The following CORO2A variants were observed in gnomAD, a reference collection of about 807,000 sequenced individuals.
CORO2A encodes coronin-2A.
A neutral mutation model predicts 62.4 loss-of-function variants in CORO2A; 47 were observed. The ratio of observed to expected loss-of-function variants is 0.75; its 90% CI spans 0.60 to 0.96. CORO2A has a LOEUF of 0.96. CORO2A is among the 40% of genes least tolerant of loss of function. The pLI, the probability that CORO2A is intolerant of heterozygous loss-of-function variation, is 0.00. For synonymous variants in CORO2A, 273 were observed against 268.9 expected, an observed-to-expected ratio of 1.02 and a Z score of -0.15; for missense variants, 610 against 684.1, an observed-to-expected ratio of 0.89 and a Z score of 1.21.
intron 10 of CORO2A, among the ~76,000 whole-genome samples, chr9:98,127,917 C>T (rs1474877522): frequency 6.6e-6 from 1 of 151,886 alleles, no homozygotes; most frequent in African/African-American, 2.4e-5. Flanking sequence ...CCCACATAGC[C>T]CCAGAGTGTA....
Position 98,128,167 on chromosome 9 carries a change from C to T in CORO2A, c.1171+3G>A, listed in dbSNP as rs760690885. 10 of 1,611,546 alleles carry T rather than the reference C, an allele frequency of 6.2e-6. No individual in the cohort carries two copies. Among genetic ancestry groups the T allele is most frequent in the African/African-American group, 5.3e-5 (4 of 74,986 alleles). ...GCCTGGGCCTCTTCTCTGCCTTCCT[C>T]ACCTCGATTCATCCCGCTGAGCCAC... On this transcript the variant is annotated splice_donor_region_variant and intron_variant, in intron 10 of 11. Coordinates refer to ENST00000375077, the MANE Select transcript of CORO2A (RefSeq NM_052820.4).
At chr9:98,170,538 T>C (rs559969381) in intron 1 of CORO2A, among the ~76,000 whole-genome samples, 3 of 152,066 alleles carry the variant, frequency 2.0e-5, no homozygotes, top group African/African-American at 7.2e-5. Context: ...GCCTCTGGGG[T>C]TCAAGTGATT....
intron 2 of CORO2A, among the ~76,000 whole-genome samples, chr9:98,152,599 C>T (rs1207063814): frequency 1.3e-5 from 2 of 152,208 alleles, no homozygotes; most frequent in African/African-American, 4.8e-5. Context: ...ATGCTTCTAA[C>T]ATTTCCCCTT....
At chr9:98,144,086 G>A (rs1053696460) in intron 2 of CORO2A, among the ~76,000 whole-genome samples, 3 of 151,914 alleles carry the variant, frequency 2.0e-5, no homozygotes, top group African/African-American at 7.3e-5. Flanking sequence ...CTACTCGGGA[G>A]GCTGAGGCAG....
chr9:98,140,509 T>C (rs1397625234), intron 2 of CORO2A, among the ~76,000 whole-genome samples: 2 of 151,996 alleles, frequency 1.3e-5, no homozygotes, highest in African/African-American at 2.4e-5. Flanking sequence ...GGTGCAATCA[T>C]GATTCACTGT....
rs1827926211 is a variant in CORO2A at position 98,163,986 on chromosome 9, T to C, written c.1-6326A>G. ...GACCTGATTTGGTCTTTGAACAGGA[T>C]GGGTAGGCATTGCTGGCTACCAGTG... On this transcript the variant is annotated intron_variant, in intron 1 of 11. Transcript: ENST00000375077. 1.3e-5 allele frequency among the ~76,000 whole-genome samples: 2 copies of C among 152,208 alleles called. 1 individual carries two copies. The highest frequency in any genetic ancestry group is 4.1e-4 in the South Asian group (2 of 4,828).
chr9:98,176,488 A>G (rs1331595558), intron 1 of CORO2A, among the ~76,000 whole-genome samples: 2 of 151,972 alleles, frequency 1.3e-5, no homozygotes, highest in African/African-American at 2.4e-5. Flanking sequence ...AATTTTCCCC[A>G]CTGCCCTACC....
intron 1 of CORO2A, among the ~76,000 whole-genome samples, chr9:98,165,063 G>A (rs1427244520): frequency 2.0e-5 from 3 of 152,028 alleles, no homozygotes; most frequent in Admixed American, 6.6e-5. Context: ...CAACCTCCTG[G>A]GCTTGCGCAA....
At chr9:98,135,005 A>C (rs1827466690) in intron 3 of CORO2A, 50 bp from the exon 4 acceptor site, 1 of 1,597,700 alleles carries the variant, frequency 6.3e-7, no homozygotes, top group Admixed American at 1.7e-5. Flanking sequence ...GCACCTTGGC[A>C]CCGTCACCAG....
intron 2 of CORO2A, among the ~76,000 whole-genome samples, chr9:98,155,342 ATTTTTTTTT>A (rs11379239): frequency 2.9e-5 from 3 of 101,862 alleles, no homozygotes; most frequent in African/African-American, 1.2e-4. Flanking sequence ...TTATTGCTCA[ATTTTTTTTT>A]TTTTTTTTTT....
intron 4 of CORO2A, 106 bp from the exon 5 acceptor site, chr9:98,133,323 G>T: frequency 8.9e-7 from 1 of 1,123,670 alleles, no homozygotes; most frequent in Non-Finnish European, 1.3e-6. Context: ...CTGGGAGGGT[G>T]GCGCAGCTGG....
At chr9:98,181,859 C>T (rs960138683) in intron 1 of CORO2A, among the ~76,000 whole-genome samples, 2 of 152,112 alleles carry the variant, frequency 1.3e-5, no homozygotes, top group African/African-American at 2.4e-5. Flanking sequence ...GAAAGGAACC[C>T]GCAACAAAGA....
chr9:98,140,277 G>C (rs1827547344), intron 2 of CORO2A, among the ~76,000 whole-genome samples: 2 of 152,294 alleles, frequency 1.3e-5, no homozygotes, highest in East Asian at 3.9e-4. Context: ...GGTGCTGTTG[G>C]AGGGGCTGAT....
intron 2 of CORO2A, among the ~76,000 whole-genome samples, chr9:98,153,675 C>CACACACACACACACAA (rs1827759995): frequency 6.6e-6 from 1 of 151,392 alleles, no homozygotes; most frequent in Admixed American, 6.6e-5. Flanking sequence ...CACACACACA[C>CACACACACACACACAA]ACACACACAC....
intron 2 of CORO2A, among the ~76,000 whole-genome samples, chr9:98,154,352 T>TATATATATATATATATATATATATGTAC (rs71369555): frequency 1.1e-5 from 1 of 94,058 alleles, no homozygotes; most frequent in East Asian, 4.5e-4. Flanking sequence ...TATATATATA[T>TATATATATATATATATATATATATGTAC]ACACAAATAC....
intron 1 of CORO2A, among the ~76,000 whole-genome samples, chr9:98,182,199 A>G (rs1394278239): frequency 6.6e-6 from 1 of 152,192 alleles, no homozygotes; most frequent in Non-Finnish European, 1.5e-5. Flanking sequence ...TGCTTTACAT[A>G]CAGAAAGTAA....
Position 98,129,872 on chromosome 9 carries a change from A to G in CORO2A, c.889T>C (p.Tyr297His). 6.2e-7 allele frequency: 1 copy of G among 1,613,902 alleles called. No homozygotes were observed. The highest frequency in any genetic ancestry group is 1.3e-5 in the African/African-American group (1 of 75,064). The change falls in exon 8 of 12, where the codon TAC (tyrosine) becomes CAC (histidine). Residue 297 changes from tyrosine to histidine, a missense_variant. By Grantham distance (83) the Tyr-to-His change is moderately conservative. Transcript: ENST00000375077. ...GGCTTGTCGGCGCTCACCTCGTAGT[A>G]GCGGATGTTGCCATCTCCCTGAGGA... The part of the protein sequence containing the change: ...VVGKGDGNIR[Y>H]YEVSADKPHL...
intron 2 of CORO2A, among the ~76,000 whole-genome samples, chr9:98,151,814 A>AT (rs747501901): frequency 0.13 from 14,604 of 115,416 alleles, 1,069 homozygotes; most frequent in African/African-American, 0.18. Flanking sequence ...TGCCCGGCTA[A>AT]TTTTTTTTTT....
chr9:98,142,636 G>A (rs1827586572), intron 2 of CORO2A, among the ~76,000 whole-genome samples: 1 of 152,206 alleles, frequency 6.6e-6, no homozygotes, highest in Non-Finnish European at 1.5e-5. Context: ...GAGGCAAAGT[G>A]CCCAGGAGCC....
Sources: gnomAD v4.1 joint callset for allele counts (sites outside exome capture counted in the v4.1 genomes callset) on GRCh38, gnomAD v4.1.1 for gene constraint, MANE v1.5 for transcripts, NCBI Gene and HGNC (gene_info 2026-07-23, HGNC 2026-07-21) for gene names.